The following ANKRD36C variants were observed in gnomAD, a reference collection of about 807,000 sequenced individuals.
The protein encoded by ANKRD36C is ankyrin repeat domain 36C, also known as ankyrin repeat domain-containing protein 36C.
A neutral mutation model predicts 276.4 loss-of-function variants in ANKRD36C; 61 were observed. The observed-to-expected ratio is 0.22, with a 90% CI of 0.18 to 0.27. The LOEUF (loss-of-function observed/expected upper bound fraction) is 0.27. Ranked by LOEUF, ANKRD36C falls within the 10% of genes least tolerant of loss-of-function variation. The pLI is 1.00. For missense variants in ANKRD36C, 1,447 were observed against 2,032.3 expected, an observed-to-expected ratio of 0.71 and a Z score of 5.54; for synonymous variants, 483 against 680.1, an observed-to-expected ratio of 0.71 and a Z score of 4.51.
At chr2:95,989,812 A>C (rs938549797) in intron 1 of ANKRD36C, among the ~76,000 whole-genome samples, 1 of 152,194 alleles carries the variant, frequency 6.6e-6, no homozygotes, top group Non-Finnish European at 1.5e-5. Context: ...TGTGGATAGA[A>C]AATAGTATTT....
chr2:95,914,129 C>T, exon 40 of ANKRD36C: 2 of 1,576,710 alleles, frequency 1.3e-6, no homozygotes, highest in Non-Finnish European at 1.7e-6. Context: ...TTTTCTCCAT[C>T]CTCTTTTCCT....
intron 6 of ANKRD36C, among the ~76,000 whole-genome samples, chr2:95,967,922 C>T (rs927839814): frequency 3.3e-5 from 5 of 151,940 alleles, no homozygotes; most frequent in African/African-American, 1.2e-4. Flanking sequence ...AACCCCATCT[C>T]AACAAAAATA....
intron 53 of ANKRD36C, 21 bp downstream of exon 73, chr2:95,884,319 T>C (rs768284560): frequency 2.5e-6 from 4 of 1,610,770 alleles, no homozygotes; most frequent in Middle Eastern, 4.5e-4. Context: ...TAGTTCACAA[T>C]ATAAATAAGA....
At chr2:95,894,787 G>C (rs1469795111) in intron 44 of ANKRD36C, among the ~76,000 whole-genome samples, 2 of 151,244 alleles carry the variant, frequency 1.3e-5, no homozygotes, top group Non-Finnish European at 3.0e-5. Context: ...TTCAAGAAAT[G>C]TTTCCTGCTT....
At position 95,902,926 on chromosome 2, in the gene ANKRD36C, A is replaced by G; in HGVS notation, c.2654-3590T>C. On this transcript the variant is annotated intron_variant, in intron 42 of 66. Coordinates refer to ENST00000456556, the Ensembl canonical transcript of ANKRD36C. Reference sequence around the variant, plus strand: ...CTCCATACTTTTTTCCTCTGGCTATATTCAAAAGAGAATCTTTCTCGTCTC... The same window carrying G: ...CTCCATACTTTTTTCCTCTGGCTATGTTCAAAAGAGAATCTTTCTCGTCTC... 2.5e-6 allele frequency: 4 copies of G among 1,589,582 alleles called. 1 individual carries two copies. In the South Asian group the frequency reaches 4.5e-5, roughly 18 times the overall value.
chr2:95,852,911 G>C (rs1176298134), intron 64 of ANKRD36C: 1 of 152,294 alleles, frequency 6.6e-6, no homozygotes, highest in Admixed American at 6.5e-5. Context: ...TAGGAGAGAA[G>C]TAATTTAAAA....
rs372274897 is a variant in ANKRD36C, at chr2:95,972,753, G to A, written c.799+5369C>T. Among the ~76,000 whole-genome samples the A allele has an allele frequency of 8.0e-3, 1,216 of 152,110 alleles. 8 individuals are homozygous for A. The highest frequency in any genetic ancestry group is 0.021 in the South Asian group (100 of 4,816). Reference sequence around the variant, plus strand: ...TTGCCTTTGAGATTCCTGTATTTCCGCATGAATAAATCCATAAAGGAATAG... The same window carrying A: ...TTGCCTTTGAGATTCCTGTATTTCCACATGAATAAATCCATAAAGGAATAG... On this transcript the variant is annotated intron_variant, in intron 6 of 66. Coordinates refer to ENST00000456556, the Ensembl canonical transcript of ANKRD36C.
chr2:95,938,392 CAGA>C (rs1677776401), intron 22 of ANKRD36C, among the ~76,000 whole-genome samples: 1 of 152,256 alleles, frequency 6.6e-6, no homozygotes, highest in Admixed American at 6.5e-5. Context: ...ATCCGGTAAT[CAGA>C]AGATGTGATT....
At chr2:95,913,041 A>G (rs1477534874) in intron 40 of ANKRD36C, among the ~76,000 whole-genome samples, 1 of 150,276 alleles carries the variant, frequency 6.7e-6, no homozygotes, top group Non-Finnish European at 1.5e-5. Flanking sequence ...TAATTTGCCT[A>G]AGTTTCATGT....
At chr2:95,925,957 C>T (rs139582239) in intron 28 of ANKRD36C, among the ~76,000 whole-genome samples, 228 of 151,738 alleles carry the variant, frequency 1.5e-3, no homozygotes, top group African/African-American at 5.3e-3. Context: ...TACCATTATA[C>T]TGCAAGTATT....
intron 59 of ANKRD36C, among the ~76,000 whole-genome samples, chr2:95,870,832 A>T (rs1465978215): frequency 1.3e-5 from 2 of 152,210 alleles, no homozygotes; most frequent in Non-Finnish European, 2.9e-5. Flanking sequence ...GGAGCTGATG[A>T]AGCTGAAAGC....
chr2:95,916,338 A>G (rs995922943), intron 36 of ANKRD36C, among the ~76,000 whole-genome samples, 167 bp from the exon 39 acceptor site: 22 of 151,556 alleles, frequency 1.5e-4, no homozygotes, highest in African/African-American at 4.8e-4. Context: ...AATACACTGA[A>G]AAAAGGGAAC....
intron 34 of ANKRD36C, among the ~76,000 whole-genome samples, chr2:95,918,562 A>C (rs1195204605): frequency 6.6e-6 from 1 of 151,672 alleles, no homozygotes; most frequent in Non-Finnish European, 1.5e-5. Context: ...AGTGTCCTAA[A>C]TTGATCACCT....
chr2:95,969,920 T>C (rs1340586993), intron 6 of ANKRD36C, among the ~76,000 whole-genome samples: 1 of 151,700 alleles, frequency 6.6e-6, no homozygotes, highest in Admixed American at 6.6e-5. Flanking sequence ...TATAGATATA[T>C]ATATATTTTT....
At chr2:95,892,233 T>C (rs1228486324) in intron 44 of ANKRD36C, among the ~76,000 whole-genome samples, 1 of 151,538 alleles carries the variant, frequency 6.6e-6, no homozygotes, top group Non-Finnish European at 1.5e-5. Context: ...CACATGTCTT[T>C]CATGCAACAA....
chr2:95,895,692 T>C (rs766121192), intron 44 of ANKRD36C, 102 bp from the exon 61 acceptor site: 67 of 1,537,002 alleles, frequency 4.4e-5, no homozygotes, highest in Admixed American at 5.5e-5. Flanking sequence ...CCTGCCTGTA[T>C]TAGTGGAGGC....
At chr2:95,957,161 C>T (rs1474497628) in intron 12 of ANKRD36C, among the ~76,000 whole-genome samples, 1 of 152,286 alleles carries the variant, frequency 6.6e-6, no homozygotes, top group East Asian at 1.9e-4. Flanking sequence ...AGTAAAAATA[C>T]AAAAATTACC....
At chr2:95,913,815 A>T (rs560188992) in intron 40 of ANKRD36C, among the ~76,000 whole-genome samples, 88 of 151,524 alleles carry the variant, frequency 5.8e-4, no homozygotes, top group African/African-American at 2.1e-3. Flanking sequence ...ACTGAAAACA[A>T]GCTGGAGAAT....
exon 1 of ANKRD36C, chr2:95,991,764 C>T: frequency 3.2e-6 from 5 of 1,552,058 alleles, no homozygotes; most frequent in Non-Finnish European, 4.4e-6. Context: ...CTTCGGGGAT[C>T]GCCGCCTCCG....
Sources: gnomAD v4.1 joint callset for allele counts (sites outside exome capture counted in the v4.1 genomes callset) on GRCh38, gnomAD v4.1.1 for gene constraint, MANE v1.5 for transcripts, NCBI Gene and HGNC (gene_info 2026-07-23, HGNC 2026-07-21) for gene names.